FOXK1: variants seen among roughly 807,000 people sequenced by gnomAD.
The protein encoded by FOXK1 is forkhead box protein K1.
In FOXK1, 19 loss-of-function variants were observed where a neutral mutation model predicts 51.9. The ratio of observed to expected loss-of-function variants is 0.37; its 90% CI spans 0.26 to 0.54. FOXK1 has a LOEUF of 0.54. FOXK1 is among the 20% of genes least tolerant of loss of function. The pLI is 0.87. For synonymous variants in FOXK1, 537 were observed against 482.6 expected (o/e 1.11, Z -1.48); for missense variants, 870 against 1,032.7 (o/e 0.84, Z 2.16).
At chr7:4,732,760 C>A (rs1174334342) in intron 1 of FOXK1, among the ~76,000 whole-genome samples, 2 of 152,252 alleles carry the variant, frequency 1.3e-5, no homozygotes, top group Non-Finnish European at 2.9e-5. Context: ...CTGTTGTAGA[C>A]ACACATGGCT....
Position 4,730,959 on chromosome 7 carries a change from G to T in FOXK1, c.561-9879G>T, listed in dbSNP as rs1006627606. On this transcript the variant is annotated intron_variant, in intron 1 of 8. Coordinates refer to ENST00000328914, the MANE Select transcript of FOXK1 (RefSeq NM_001037165.2). This position sits in a 1 kb window ranked among gnomAD's most constrained non-coding sequence, Gnocchi z 4.7. ...AGGCAGGAGGATCCCTTGAGGCCAG[G>T]AGTTGGAGACTAGCCTGGGCAACAT... Among the ~76,000 whole-genome samples, 5 of 152,074 alleles carry T rather than the reference G, an allele frequency of 3.3e-5. No individual in the cohort carries two copies. Among genetic ancestry groups the T allele is most frequent in the Non-Finnish European group, 5.9e-5 (4 of 68,010 alleles).
chr7:4,739,600 C>T (rs1009000646), intron 1 of FOXK1, among the ~76,000 whole-genome samples: 3 of 152,198 alleles, frequency 2.0e-5, no homozygotes, highest in Non-Finnish European at 4.4e-5. Flanking sequence ...CTGACGCTTG[C>T]GGCTGGCTTT....
intron 2 of FOXK1, among the ~76,000 whole-genome samples, chr7:4,750,366 G>T (rs1422630340): frequency 6.6e-6 from 1 of 152,132 alleles, no homozygotes; most frequent in Non-Finnish European, 1.5e-5. Flanking sequence ...TCAGGGAGCA[G>T]TGGGGTCCCC....
chr7:4,689,217 A>AT (rs1314715600), intron 1 of FOXK1, among the ~76,000 whole-genome samples: 1 of 151,986 alleles, frequency 6.6e-6, no homozygotes, highest in Non-Finnish European at 1.5e-5. Flanking sequence ...ACCTCAGGTG[A>AT]TCCGCCCACC....
At position 4,755,622 on chromosome 7, in the gene FOXK1, C is replaced by T. The variant is rs892934964; in HGVS notation, c.1050+239C>T. ...TGGTGCACACCTGTGGTCGCAGCTA[C>T]TCGGAGGCTGAGGTGGGAGGATCAC... On this transcript the variant is annotated intron_variant, in intron 4 of 8. Transcript: ENST00000328914. The surrounding 1 kb of genome is among the most constrained non-coding windows in gnomAD (Gnocchi z 6.6). 7.9e-5 allele frequency among the ~76,000 whole-genome samples: 12 copies of T among 152,122 alleles called. No individual in the cohort carries two copies. The highest frequency in any genetic ancestry group is 2.9e-4 in the African/African-American group (12 of 41,426).
rs138172098 is a variant in FOXK1 at position 4,769,911 on chromosome 7, G to C, written c.*7447G>C. On this transcript the variant is annotated 3_prime_UTR_variant, in exon 9 of 9. Transcript: ENST00000328914. This position sits in a 1 kb window ranked among gnomAD's most constrained non-coding sequence, Gnocchi z 4.1. ...TGGTGGTTTGCCCTGTGTCAGACACGGTGAAAAGAGTGCAGGAAAGCTGGG... is the reference window on the plus strand; with the variant it reads ...TGGTGGTTTGCCCTGTGTCAGACACCGTGAAAAGAGTGCAGGAAAGCTGGG... 1 of 152,154 alleles carries C rather than the reference G, an allele frequency of 6.6e-6. No individual in the cohort carries two copies. The highest frequency in any genetic ancestry group is 2.4e-5 in the African/African-American group (1 of 41,420). The allele number at this position is 152,154 out of a possible 1,614,324, so 9.4% of individuals were successfully genotyped here.
At position 4,762,266 on chromosome 7, in the gene FOXK1, G is replaced by A; in HGVS notation, c.2004G>A (p.Gly668=). 1 of 1,551,164 alleles carries A rather than the reference G, an allele frequency of 6.4e-7. No individual in the cohort carries two copies. Among genetic ancestry groups the A allele is most frequent in the Non-Finnish European group, 8.7e-7 (1 of 1,147,050 alleles). ...PVVVTRVCEV[G]PKEPAAAVAA... The stretch of plus-strand genomic sequence containing the variant: ...TGGTCACCCGGGTGTGCGAGGTGGG[G>A]CCCAAGGAGCCAGCAGCAGCCGTCG... The change falls in exon 9 of 9, where the codon GGG becomes GGA. Residue 668 remains glycine, a synonymous_variant. Transcript: ENST00000328914. This position sits in a 1 kb window ranked among gnomAD's most constrained non-coding sequence, Gnocchi z 5.7.
rs781395145 is a variant in FOXK1 at position 4,731,264 on chromosome 7, G to A, written c.561-9574G>A. ...AGACTCTTGGGGGCCTGGGCCCTGC[G>A]GGACGTTTTCCCCCTGCCTCAGAGC... On this transcript the variant is annotated intron_variant, in intron 1 of 8. Transcript: ENST00000328914. The surrounding 1 kb of genome is among the most constrained non-coding windows in gnomAD (Gnocchi z 5.3). Among the ~76,000 whole-genome samples, 3 of 152,162 alleles carry A rather than the reference G, an allele frequency of 2.0e-5. No homozygotes were observed. The highest frequency in any genetic ancestry group is 6.5e-5 in the Admixed American group (1 of 15,270).
At chr7:4,746,403 A>C (rs926886683) in intron 2 of FOXK1, among the ~76,000 whole-genome samples, 1 of 151,988 alleles carries the variant, frequency 6.6e-6, no homozygotes, top group Non-Finnish European at 1.5e-5. Context: ...ATCTCTTTCA[A>C]AGTTTCTGGT....
At chr7:4,697,400 C>T (rs897197811) in intron 1 of FOXK1, among the ~76,000 whole-genome samples, 1 of 152,234 alleles carries the variant, frequency 6.6e-6, no homozygotes, top group African/African-American at 2.4e-5. Flanking sequence ...CCAGACCCTG[C>T]CAGCTGCCTG....
At chr7:4,702,821 A>T (rs141649528) in intron 1 of FOXK1, among the ~76,000 whole-genome samples, 547 of 152,268 alleles carry the variant, frequency 3.6e-3, no homozygotes, top group African/African-American at 0.012. Flanking sequence ...CGGGGCCTTG[A>T]CGGGGCCTCT....
chr7:4,725,274 T>C (rs1209436687), intron 1 of FOXK1, among the ~76,000 whole-genome samples: 2 of 152,210 alleles, frequency 1.3e-5, no homozygotes, highest in Non-Finnish European at 2.9e-5. Flanking sequence ...GGAACGCCCC[T>C]TGGAGCACCG....
intron 1 of FOXK1, among the ~76,000 whole-genome samples, chr7:4,690,029 G>A (rs1285480445): frequency 1.3e-5 from 2 of 152,216 alleles, no homozygotes; most frequent in Admixed American, 1.3e-4. Context: ...CCACGTGAAG[G>A]ATCAGCCTGC....
At chr7:4,713,116 T>C (rs1780194482) in intron 1 of FOXK1, among the ~76,000 whole-genome samples, 1 of 152,214 alleles carries the variant, frequency 6.6e-6, no homozygotes, top group African/African-American at 2.4e-5. Context: ...CATTTGTGGC[T>C]TGAAAAAAGA....
At position 4,723,527 on chromosome 7, in the gene FOXK1, G is replaced by A. The variant is rs947375183; in HGVS notation, c.561-17311G>A. Reference sequence around the variant, plus strand: ...GCCCCGAGCCTTCCTGTTGCCTCTAGGGCCTGTCCATCCCGTCAGCCCACG... The same window carrying A: ...GCCCCGAGCCTTCCTGTTGCCTCTAAGGCCTGTCCATCCCGTCAGCCCACG... On this transcript the variant is annotated intron_variant, in intron 1 of 8. Coordinates refer to ENST00000328914, the MANE Select transcript of FOXK1 (RefSeq NM_001037165.2). This position sits in a 1 kb window ranked among gnomAD's most constrained non-coding sequence, Gnocchi z 4.7. Among the ~76,000 whole-genome samples the A allele has an allele frequency of 1.3e-4, 20 of 151,884 alleles. No homozygotes were observed. The highest frequency in any genetic ancestry group is 1.3e-3 in the Admixed American group (20 of 15,252).
rs1396334132 is a variant in FOXK1, at chr7:4,711,957, G to A, written c.561-28881G>A. 6.6e-6 allele frequency among the ~76,000 whole-genome samples: 1 copy of A among 152,160 alleles called. No homozygotes were observed. Among genetic ancestry groups the A allele is most frequent in the African/African-American group, 2.4e-5 (1 of 41,438 alleles). On this transcript the variant is annotated intron_variant, in intron 1 of 8. Transcript: ENST00000328914. This position sits in a 1 kb window ranked among gnomAD's most constrained non-coding sequence, Gnocchi z 6.3. ...TCCGGGGGAGGGGCAGAGGGCAGGT[G>A]CCGCCGAGCAGGAGGGAGGACGCGG...
Position 4,682,868 on chromosome 7 carries a change from A to G in FOXK1, c.560A>G (p.Gln187Arg), listed in dbSNP as rs774259486. The change falls in exon 1 of 9, where the codon CAG (glutamine) becomes CGG (arginine). Residue 187 changes from glutamine (Q) to arginine (R), a missense_variant and splice_region_variant. Gln to Arg is a conservative substitution (Grantham distance 43). Around this residue, in one of 3 missense-constraint regions of FOXK1, gnomAD observed 399 missense variants for 475.6 expected, o/e 0.84. Transcript: ENST00000328914. This position sits in a 1 kb window ranked among gnomAD's most constrained non-coding sequence, Gnocchi z 7.6. ...GCGCCCGCCCTGCAGCTGCCCAAGC[A>G]GTGAGTGGCCCCGCGACCCCCGCCG... ...RGAPALQLPK[Q>R]CTFRFPSTAI... is the part of the protein sequence containing the mutation. 6.6e-7 allele frequency: 1 copy of G among 1,505,196 alleles called. No homozygotes were observed. The highest frequency in any genetic ancestry group is 1.2e-5 in the South Asian group (1 of 81,276). 93.2% of individuals were successfully genotyped at this position (1,505,196 alleles called of 1,614,324 possible).
intron 1 of FOXK1, among the ~76,000 whole-genome samples, chr7:4,721,670 A>C (rs776145621): frequency 7.1e-6 from 1 of 140,626 alleles, no homozygotes; most frequent in Non-Finnish European, 1.5e-5. Context: ...GGCTCACTGC[A>C]ACCTCTCCCT....
At chr7:4,736,479 C>T (rs1183310218) in intron 1 of FOXK1, among the ~76,000 whole-genome samples, 2 of 148,698 alleles carry the variant, frequency 1.3e-5, no homozygotes, top group Admixed American at 1.3e-4. Context: ...GTGGTGCGTT[C>T]TCAGCTCACT....
Sources: allele counts gnomAD v4.1 joint callset (sites outside exome capture counted in the v4.1 genomes callset), GRCh38; gene constraint gnomAD v4.1.1; regional missense constraint gnomAD v4.1.1; non-coding constraint Gnocchi (gnomAD v3.1); transcripts MANE v1.5; gene names NCBI Gene and HGNC (gene_info 2026-07-23, HGNC 2026-07-21).